SCMH1: variants seen among roughly 807,000 people sequenced by gnomAD.
SCMH1 encodes polycomb protein SCMH1.
A neutral mutation model predicts 70.8 loss-of-function variants in SCMH1; 37 were observed. The observed-to-expected ratio is 0.52, with a 90% confidence interval of 0.40 to 0.69. The LOEUF (loss-of-function observed/expected upper bound fraction) is 0.69. Among genes scored for constraint, SCMH1 ranks in the 30% least tolerant of loss-of-function variants. SCMH1 has a pLI of 0.00. For synonymous variants in SCMH1, 292 were observed against 307.4 expected (o/e 0.95, Z 0.52); for missense variants, 607 against 827.3 (o/e 0.73, Z 3.27).
chr1:41,051,991 G>A (rs559247301), intron 10 of SCMH1, among the ~76,000 whole-genome samples: 33 of 152,320 alleles, frequency 2.2e-4, no homozygotes, highest in African/African-American at 7.9e-4. Context: ...TAAGTACCCT[G>A]TATAGGTGTA....
At chr1:41,169,360 T>C (rs979686330) in intron 2 of SCMH1, among the ~76,000 whole-genome samples, 1 of 151,978 alleles carries the variant, frequency 6.6e-6, no homozygotes, top group Non-Finnish European at 1.5e-5. Flanking sequence ...AAGTGTGTGC[T>C]ATAAGCCCCT....
intron 1 of SCMH1, among the ~76,000 whole-genome samples, chr1:41,201,101 C>T (rs1654261303): frequency 6.6e-6 from 1 of 152,172 alleles, no homozygotes; most frequent in Non-Finnish European, 1.5e-5. Context: ...ATTAGATCCT[C>T]AACTACTTGG....
At chr1:41,103,376 C>T (rs1667099101) in intron 8 of SCMH1, among the ~76,000 whole-genome samples, 1 of 151,986 alleles carries the variant, frequency 6.6e-6, no homozygotes, top group Non-Finnish European at 1.5e-5. Flanking sequence ...TCCTGACCTC[C>T]AGTGATCCAT....
intron 1 of SCMH1, 57 bp from the exon 2 acceptor site, chr1:41,186,307 T>G (rs1444189490): frequency 1.2e-5 from 6 of 490,316 alleles, no homozygotes; most frequent in Non-Finnish European, 2.3e-5. Flanking sequence ...TGTAAAGTAC[T>G]GAGATCTCTA....
intron 12 of SCMH1, among the ~76,000 whole-genome samples, chr1:41,040,439 AAAGTC>A (rs1423363421): frequency 6.6e-6 from 1 of 152,206 alleles, no homozygotes; most frequent in East Asian, 1.9e-4. Flanking sequence ...CGTCCGGAGA[AAAGTC>A]AAGGGAGAGA....
At chr1:41,032,003 A>G (rs1262010774) in intron 13 of SCMH1, among the ~76,000 whole-genome samples, 2 of 148,740 alleles carry the variant, frequency 1.3e-5, no homozygotes, top group Non-Finnish European at 3.0e-5. Flanking sequence ...ACTCTCATCA[A>G]ACACGGTGCA....
At chr1:41,066,445 T>C (rs2148846182) in intron 10 of SCMH1, among the ~76,000 whole-genome samples, 1 of 152,244 alleles carries the variant, frequency 6.6e-6, no homozygotes, top group East Asian at 1.9e-4. Flanking sequence ...GTGTTTCCTG[T>C]CACTTTCCTG....
At chr1:41,058,130 AAAAAAG>A (rs1228386803) in intron 10 of SCMH1, among the ~76,000 whole-genome samples, 2 of 150,054 alleles carry the variant, frequency 1.3e-5, no homozygotes, top group Admixed American at 6.6e-5. Flanking sequence ...AAAAAAAAAA[AAAAAAG>A]AAAAAGAAAA....
At chr1:41,106,055 A>G (rs1378046886) in intron 8 of SCMH1, among the ~76,000 whole-genome samples, 1 of 151,584 alleles carries the variant, frequency 6.6e-6, no homozygotes, top group African/African-American at 2.4e-5. Flanking sequence ...TTGTATTTTT[A>G]GTAGAGACAG....
At chr1:41,195,192 C>T (rs186365803) in intron 1 of SCMH1, among the ~76,000 whole-genome samples, 20 of 147,772 alleles carry the variant, frequency 1.4e-4, no homozygotes, top group African/African-American at 4.8e-4. Flanking sequence ...GCTTACCAGG[C>T]CGTGTGGCCT....
At position 41,108,043 on chromosome 1, in the gene SCMH1, A is replaced by C. The variant is rs56902127; in HGVS notation, c.745+5240T>G. ...TACGTGAGCCACGATGTTGAGTCCG[A>C]TTTTGAAATTTTTGCTTTGTACAAA... On this transcript the variant is annotated intron_variant, in intron 8 of 14. Transcript: ENST00000337495. Among the ~76,000 whole-genome samples the C allele has an allele frequency of 8.1e-3, 1,237 of 152,260 alleles. 22 individuals carry two copies. Among genetic ancestry groups the C allele is most frequent in the African/African-American group, 0.029 (1,189 of 41,556 alleles).
At chr1:41,077,322 G>C (rs1292775169) in intron 8 of SCMH1, among the ~76,000 whole-genome samples, 1 of 152,130 alleles carries the variant, frequency 6.6e-6, no homozygotes, top group East Asian at 1.9e-4. Context: ...AGAAATGAGA[G>C]CTGCTGCGAC....
exon 14 of SCMH1, chr1:41,028,598 G>A (rs2148477078): frequency 1.2e-6 from 2 of 1,614,206 alleles, no homozygotes; most frequent in Non-Finnish European, 1.7e-6. Flanking sequence ...TTGCGAAACA[G>A]GTCAGCGTGG....
chr1:41,100,188 T>A (rs763672268), intron 8 of SCMH1, among the ~76,000 whole-genome samples: 45 of 152,176 alleles, frequency 3.0e-4, no homozygotes, highest in Non-Finnish European at 3.8e-4. Flanking sequence ...AGAGCAAGTA[T>A]CTGATGAAAA....
intron 8 of SCMH1, among the ~76,000 whole-genome samples, chr1:41,103,885 T>G (rs1224547298): frequency 1.3e-5 from 2 of 152,062 alleles, no homozygotes; most frequent in African/African-American, 4.8e-5. Flanking sequence ...GAACCCAGAT[T>G]CTCTGCTTCA....
chr1:41,234,800 A>C (rs916565635), intron 1 of SCMH1, among the ~76,000 whole-genome samples: 1 of 152,128 alleles, frequency 6.6e-6, no homozygotes, highest in African/African-American at 2.4e-5. Context: ...AAAAACTTAA[A>C]CAATAAAAAA....
At chr1:41,080,064 C>A (rs1040714219) in intron 8 of SCMH1, among the ~76,000 whole-genome samples, 1 of 151,880 alleles carries the variant, frequency 6.6e-6, no homozygotes, top group Non-Finnish European at 1.5e-5. Context: ...ATCTTTTTTA[C>A]ATTTTAACAT....
Position 41,113,461 on chromosome 1 carries a change from C to T in SCMH1, c.567G>A (p.Lys189=), listed in dbSNP as rs1669722430. 1.1e-5 allele frequency: 17 copies of T among 1,613,916 alleles called. No individual in the cohort carries two copies. Among genetic ancestry groups the T allele is most frequent in the Non-Finnish European group, 1.1e-5 (13 of 1,179,966 alleles). ...TGGCTGGGCAAATGAAATGAGGGTT[C>T]TTCCTGTCCACAGCTTCTAGCTTCA... Residue 189 remains lysine, a synonymous_variant, in exon 8 of 15, where the codon AAG becomes AAA. Coordinates refer to ENST00000337495, the Ensembl canonical transcript of SCMH1. This position sits in a 1 kb window ranked among gnomAD's most constrained non-coding sequence, Gnocchi z 4.3.
chr1:41,136,813 T>G, intron 6 of SCMH1, among the ~76,000 whole-genome samples: 1 of 145,648 alleles, frequency 6.9e-6, no homozygotes, highest in Non-Finnish European at 1.5e-5. Context: ...TATCTCACCC[T>G]GTGGCCTAGG....
Sources: allele counts gnomAD v4.1 joint callset (sites outside exome capture counted in the v4.1 genomes callset), GRCh38; gene constraint gnomAD v4.1.1; non-coding constraint Gnocchi (gnomAD v3.1); transcripts MANE v1.5; gene names NCBI Gene and HGNC (gene_info 2026-07-23, HGNC 2026-07-21).